Variants in VWDE observed in about 807,000 individuals in gnomAD.
The protein encoded by VWDE is von Willebrand factor D and EGF domain-containing protein.
In VWDE, 207 loss-of-function variants were observed where a neutral mutation model predicts 178.4. The ratio of observed to expected loss-of-function variants is 1.16; its 90% CI spans 1.04 to 1.30. The LOEUF is 1.30. VWDE is among the 50% of genes most tolerant of loss of function. The probability of loss-of-function intolerance (pLI) is 0.00; values close to 1 mark genes in which losing one functional copy is unlikely to be tolerated. For missense variants in VWDE, 2,287 were observed against 1,901.3 expected (o/e 1.20, Z -3.77); for synonymous variants, 738 against 651.4 (o/e 1.13, Z -2.02).
At chr7:12,372,474 C>A (rs1783260225) in intron 10 of VWDE, among the ~76,000 whole-genome samples, 1 of 151,786 alleles carries the variant, frequency 6.6e-6, no homozygotes, top group Admixed American at 6.6e-5. Flanking sequence ...CCTGAAAATA[C>A]AAATAGTTTA....
intron 13 of VWDE, among the ~76,000 whole-genome samples, chr7:12,365,742 G>A (rs930875657): frequency 5.9e-5 from 9 of 152,076 alleles, no homozygotes; most frequent in Admixed American, 2.0e-4. Flanking sequence ...AAGGCTAGAA[G>A]AGCCTTTAAA....
intron 13 of VWDE, among the ~76,000 whole-genome samples, chr7:12,365,331 T>A (rs568629840): frequency 3.9e-5 from 6 of 152,156 alleles, no homozygotes; most frequent in Non-Finnish European, 5.9e-5. Context: ...AAATAAGATA[T>A]TAACTTTATG....
intron 1 of VWDE, among the ~76,000 whole-genome samples, chr7:12,403,231 T>C (rs974025958): frequency 3.3e-5 from 5 of 152,190 alleles, no homozygotes; most frequent in African/African-American, 1.2e-4. Flanking sequence ...CACCAATGAA[T>C]TATTTCTGAG....
intron 1 of VWDE, among the ~76,000 whole-genome samples, chr7:12,397,023 A>G (rs1317072260): frequency 6.6e-6 from 1 of 152,146 alleles, no homozygotes; most frequent in African/African-American, 2.4e-5. Context: ...GACTATTTCT[A>G]TGAAACTACC....
At chr7:12,333,396 A>T (rs988486244) in intron 28 of VWDE, 69 bp downstream of exon 28, 5 of 880,832 alleles carry the variant, frequency 5.7e-6, no homozygotes, top group Middle Eastern at 2.3e-4. Context: ...ATTAGTAACA[A>T]TTACTAAGTA....
In VWDE at chr7:12,380,632, G is replaced by C; in HGVS notation, c.643C>G (p.Pro215Ala). 6.4e-7 allele frequency: 1 copy of C among 1,552,186 alleles called. No individual in the cohort carries two copies. ...RLFCRCSFDV[P>A]ATKNSVGFHI... is the part of the protein sequence containing the mutation. ...AATCCCACTGAGTTTTTTGTAGCGGGAACATCAAAAGAACACCTACAGAAA... is the reference window on the plus strand; with the variant it reads ...AATCCCACTGAGTTTTTTGTAGCGGCAACATCAAAAGAACACCTACAGAAA... Residue 215 changes from proline (P) to alanine (A), a missense_variant, in exon 5 of 29, where the codon CCC (proline) becomes GCC (alanine). Coordinates refer to ENST00000275358, the MANE Select transcript of VWDE (RefSeq NM_001135924.3).
At chr7:12,399,444 G>C (rs1784794936) in intron 1 of VWDE, among the ~76,000 whole-genome samples, 1 of 152,094 alleles carries the variant, frequency 6.6e-6, no homozygotes, top group Non-Finnish European at 1.5e-5. Flanking sequence ...AAATGCAGCA[G>C]AAACGCAGGG....
Position 12,375,009 on chromosome 7 carries a change from C to G in VWDE, c.1242+1G>C, listed in dbSNP as rs1229960300. ...CAGTATTAGTGTTGTAATTTGTCAA[C>G]CTGGATGCTGTCTGGAATGTAGTTG... is the stretch of plus-strand genomic sequence containing the variant. On this transcript the variant is annotated splice_donor_variant, in intron 8 of 28. Transcript: ENST00000275358. LOFTEE classifies it high-confidence loss of function. 1.3e-6 allele frequency: 2 copies of G among 1,550,670 alleles called. No individual in the cohort carries two copies. Among genetic ancestry groups the G allele is most frequent in the Non-Finnish European group, 1.7e-6 (2 of 1,146,238 alleles).
chr7:12,380,454 T>G, intron 5 of VWDE, 32 bp downstream of exon 5: 3 of 1,535,562 alleles, frequency 2.0e-6, no homozygotes, highest in Non-Finnish European at 2.6e-6. Flanking sequence ...AATACATTCA[T>G]GAAAATAAAA....
intron 15 of VWDE, among the ~76,000 whole-genome samples, chr7:12,360,831 CG>C (rs1388463416): frequency 6.6e-6 from 1 of 152,050 alleles, no homozygotes; most frequent in Non-Finnish European, 1.5e-5. Flanking sequence ...GAGTAGGTAA[CG>C]TAAGATCTCT....
At chr7:12,391,514 T>C (rs848009) in intron 2 of VWDE, among the ~76,000 whole-genome samples, 74,053 of 152,076 alleles carry the variant, frequency 0.49, 18,666 homozygotes, top group African/African-American at 0.61. Flanking sequence ...GAAACAATTA[T>C]AGCTAAATCA....
In VWDE at chr7:12,331,251, C is replaced by A. The variant is rs1172837738; in HGVS notation, c.4759-54G>T. ...CAATGAATAGTATAAAATCATTTAA[C>A]CCTTACTCATTATTTGTTGCCTCCT... On this transcript the variant is annotated intron_variant, in intron 28 of 28. Transcript: ENST00000275358. The A allele has an allele frequency of 6.8e-6, 10 of 1,463,848 alleles. No homozygotes were observed. The African/African-American group carries it at 1.1e-4, about 17-fold the overall frequency. 90.7% of individuals were successfully genotyped at this position (1,463,848 alleles called of 1,614,324 possible). A position where few individuals can be genotyped will look rare whatever the true frequency, so the allele number is the denominator to read the frequency against.
intron 23 of VWDE, among the ~76,000 whole-genome samples, chr7:12,341,635 G>GAAA (rs5882355): frequency 1.4e-5 from 2 of 148,080 alleles, no homozygotes; most frequent in African/African-American, 5.0e-5. Flanking sequence ...CTGTCTAAAT[G>GAAA]AAAAAAAAAA....
chr7:12,334,057 A>G (rs1304078029), intron 27 of VWDE, among the ~76,000 whole-genome samples: 1 of 152,180 alleles, frequency 6.6e-6, no homozygotes, highest in Admixed American at 6.5e-5. Context: ...CATGCTGTCT[A>G]TATCATACAT....
intron 19 of VWDE, among the ~76,000 whole-genome samples, chr7:12,344,741 C>T (rs1781509646): frequency 1.3e-5 from 2 of 152,056 alleles, no homozygotes. Context: ...TGATTTTCAT[C>T]AGAGAAAACA....
chr7:12,371,401 C>A (rs984056345), intron 10 of VWDE, among the ~76,000 whole-genome samples: 1 of 152,006 alleles, frequency 6.6e-6, no homozygotes, highest in Non-Finnish European at 1.5e-5. Flanking sequence ...CTGAATGACC[C>A]TAGTAGCCTG....
chr7:12,356,030 CA>C (rs1209645835), intron 18 of VWDE, 80 bp downstream of exon 18: 2 of 1,075,624 alleles, frequency 1.9e-6, no homozygotes, highest in Non-Finnish European at 2.7e-6. Context: ...TCTTTAGGAC[CA>C]CACATTTGCT....
intron 19 of VWDE, among the ~76,000 whole-genome samples, chr7:12,347,403 G>A (rs1479784084): frequency 6.6e-6 from 1 of 152,024 alleles, no homozygotes; most frequent in East Asian, 1.9e-4. Flanking sequence ...ATGATTCAAT[G>A]TTCCTATGAA....
Position 12,375,154 on chromosome 7 carries a change from A to T in VWDE, c.1098T>A (p.Ala366=), listed in dbSNP as rs1217822993. 2.4e-5 allele frequency: 37 copies of T among 1,551,268 alleles called. No homozygotes were observed. Among genetic ancestry groups the T allele is most frequent in the Non-Finnish European group, 3.1e-5 (36 of 1,146,648 alleles). The part of the protein sequence containing the change: ...HVDLLQTSSC[A]NGTCSHTFVY... Reference sequence around the variant, plus strand: ...CAAAAGTGTGGCTACAGGTTCCATTAGCACAGGAAGATGTCTGGAGAAGGT... The same window carrying T: ...CAAAAGTGTGGCTACAGGTTCCATTTGCACAGGAAGATGTCTGGAGAAGGT... The change falls in exon 8 of 29, where the codon GCT becomes GCA. Residue 366 remains alanine (A), a synonymous_variant. Coordinates refer to ENST00000275358, the MANE Select transcript of VWDE (RefSeq NM_001135924.3).
Sources: allele counts gnomAD v4.1 joint callset (sites outside exome capture counted in the v4.1 genomes callset), GRCh38; gene constraint gnomAD v4.1.1; transcripts MANE v1.5; gene names NCBI Gene and HGNC (gene_info 2026-07-23, HGNC 2026-07-21).